Variants in ATP13A4 observed in about 807,000 individuals in gnomAD.
The protein encoded by ATP13A4 is probable cation-transporting ATPase 13A4.
ATP13A4 carries 114 observed loss-of-function variants against 142.5 expected under a neutral mutation model. The ratio of observed to expected loss-of-function variants is 0.80; its 90% CI spans 0.69 to 0.93. The LOEUF is 0.93. Ranked by LOEUF, ATP13A4 falls within the 40% of genes least tolerant of loss-of-function variation. The probability of loss-of-function intolerance (pLI) is 0.00; values close to 1 mark genes in which losing one functional copy is unlikely to be tolerated. For missense variants in ATP13A4, 1,392 were observed against 1,454.0 expected (o/e 0.96, Z 0.69); for synonymous variants, 488 against 514.8 (o/e 0.95, Z 0.70).
intron 2 of ATP13A4, among the ~76,000 whole-genome samples, chr3:193,564,350 A>G (rs1352524398): frequency 6.6e-6 from 1 of 152,236 alleles, no homozygotes; most frequent in African/African-American, 2.4e-5. Flanking sequence ...GAGAAATTCA[A>G]CTGTGTCCTA....
At chr3:193,414,960 T>C (rs985419694) in intron 25 of ATP13A4, among the ~76,000 whole-genome samples, 2 of 152,262 alleles carry the variant, frequency 1.3e-5, no homozygotes, top group Middle Eastern at 6.8e-3. Context: ...GATGTCACTT[T>C]TGGCCTTATA....
At chr3:193,471,469 G>A (rs562126501) in intron 8 of ATP13A4, among the ~76,000 whole-genome samples, 1 of 152,160 alleles carries the variant, frequency 6.6e-6, no homozygotes, top group East Asian at 1.9e-4. Flanking sequence ...CCAGCTACTT[G>A]GGAGGTTGAG....
chr3:193,493,182 A>T (rs750756213), intron 3 of ATP13A4, 22 bp from the exon 4 acceptor site: 9 of 1,604,468 alleles, frequency 5.6e-6, no homozygotes, highest in Non-Finnish European at 6.8e-6. Context: ...AAGTACTAAG[A>T]AAACCTCTAG....
At chr3:193,553,779 A>C (rs903901075) in intron 1 of ATP13A4, 1 of 152,280 alleles carries the variant, frequency 6.6e-6, no homozygotes, top group Non-Finnish European at 1.5e-5. Flanking sequence ...TAAGCAGATT[A>C]GACTTGAAAG....
At chr3:193,512,942 C>T (rs1159824120) in intron 2 of ATP13A4, among the ~76,000 whole-genome samples, 1 of 152,230 alleles carries the variant, frequency 6.6e-6, no homozygotes, top group Non-Finnish European at 1.5e-5. Flanking sequence ...GAGGCATCAA[C>T]GAAGCACAGC....
chr3:193,478,736 G>A (rs1719115485), intron 8 of ATP13A4, among the ~76,000 whole-genome samples: 1 of 152,114 alleles, frequency 6.6e-6, no homozygotes, highest in African/African-American at 2.4e-5. Context: ...CCACAGGATA[G>A]AGAAAGAGGA....
chr3:193,439,296 C>T (rs1716483255), intron 21 of ATP13A4, among the ~76,000 whole-genome samples: 1 of 152,152 alleles, frequency 6.6e-6, no homozygotes, highest in South Asian at 2.1e-4. Context: ...CACTGCACAT[C>T]ACTGCGTAGG....
intron 8 of ATP13A4, among the ~76,000 whole-genome samples, chr3:193,477,513 G>A (rs1560216683): frequency 6.6e-6 from 1 of 151,944 alleles, no homozygotes; most frequent in African/African-American, 2.4e-5. Flanking sequence ...TTCCAACCAA[G>A]AGAGAATAAA....
chr3:193,424,283 T>C (rs1349968478), intron 25 of ATP13A4, among the ~76,000 whole-genome samples: 1 of 146,692 alleles, frequency 6.8e-6, no homozygotes, highest in African/African-American at 2.5e-5. Context: ...TTCAATCCAA[T>C]CTCTATCAAA....
chr3:193,519,631 T>TC (rs1721608310), intron 1 of ATP13A4, among the ~76,000 whole-genome samples: 1 of 91,500 alleles, frequency 1.1e-5, no homozygotes, highest in African/African-American at 3.9e-5. Context: ...TTGTAATTTT[T>TC]TTTTTTTTTT....
intron 25 of ATP13A4, among the ~76,000 whole-genome samples, chr3:193,420,477 A>C (rs923113229): frequency 6.7e-6 from 1 of 149,930 alleles, no homozygotes; most frequent in Non-Finnish European, 1.5e-5. Flanking sequence ...AGACAATATG[A>C]TATCAACAAA....
At chr3:193,462,576 G>A (rs1718015791) in intron 13 of ATP13A4, among the ~76,000 whole-genome samples, 186 bp downstream of exon 13, 1 of 152,140 alleles carries the variant, frequency 6.6e-6, no homozygotes, top group Admixed American at 6.5e-5. Flanking sequence ...GGGATGGGGG[G>A]AAATGTGTGT....
chr3:193,565,262 A>T (rs978597304), intron 2 of ATP13A4, among the ~76,000 whole-genome samples: 8 of 152,168 alleles, frequency 5.3e-5, no homozygotes, highest in East Asian at 1.9e-4. Flanking sequence ...CCTTTAATAG[A>T]TCTCCTGGAG....
At chr3:193,460,548 C>A (rs1394492000) in intron 13 of ATP13A4, among the ~76,000 whole-genome samples, 3 of 152,180 alleles carry the variant, frequency 2.0e-5, no homozygotes, top group Non-Finnish European at 4.4e-5. Context: ...CTTAAAAGAG[C>A]AGCTCATCTT....
chr3:193,427,275 A>G (rs909886990), intron 25 of ATP13A4, among the ~76,000 whole-genome samples: 4 of 152,204 alleles, frequency 2.6e-5, no homozygotes, highest in African/African-American at 9.6e-5. Flanking sequence ...AAGAAGAACT[A>G]CAAACCACTG....
At chr3:193,558,264 T>C (rs1360689043), upstream of ATP13A4, among the ~76,000 whole-genome samples, 1 of 152,258 alleles carries the variant, frequency 6.6e-6, no homozygotes, top group Non-Finnish European at 1.5e-5. Context: ...AAAGTTATTC[T>C]TGAATTCACC....
At chr3:193,591,188 G>C (rs58929710) in intron 1 of ATP13A4, among the ~76,000 whole-genome samples, 1 of 152,060 alleles carries the variant, frequency 6.6e-6, no homozygotes, top group Admixed American at 6.6e-5. Context: ...CTCAGCCTCC[G>C]AGTAGCTGGC....
At position 193,475,390 on chromosome 3, in the gene ATP13A4, A is replaced by G. The variant is rs184180075; in HGVS notation, c.809-4397T>C. ...GTTACGTATGTAAAATATACGCAGC[A>G]GGAAATACAGTTAAATACGTTTGAT... On this transcript the variant is annotated intron_variant, in intron 8 of 29. Transcript: ENST00000342695. Among the ~76,000 whole-genome samples the G allele has an allele frequency of 4.7e-3, 708 of 152,156 alleles. 11 individuals carry two copies. Among genetic ancestry groups the G allele is most frequent in the African/African-American group, 0.016 (665 of 41,440 alleles).
chr3:193,455,516 T>C (rs1265237150), intron 16 of ATP13A4, among the ~76,000 whole-genome samples: 1 of 152,050 alleles, frequency 6.6e-6, no homozygotes, highest in African/African-American at 2.4e-5. Flanking sequence ...ATGGTGATCA[T>C]TAAAAAGTCA....
Sources: gnomAD v4.1 joint callset for allele counts (sites outside exome capture counted in the v4.1 genomes callset) on GRCh38, gnomAD v4.1.1 for gene constraint, MANE v1.5 for transcripts, NCBI Gene and HGNC (gene_info 2026-07-23, HGNC 2026-07-21) for gene names.